Variants in ATG7 observed in about 807,000 individuals in gnomAD.
The protein encoded by ATG7 is autophagy related 7, also known as ubiquitin-like modifier-activating enzyme ATG7.
ATG7 carries 70 observed loss-of-function variants against 82.4 expected under a neutral mutation model. The ratio of observed to expected loss-of-function variants is 0.85; its 90% CI spans 0.70 to 1.04. The LOEUF (loss-of-function observed/expected upper bound fraction) is 1.04, where lower values mean the gene tolerates loss of function less well. Among genes scored for constraint, ATG7 ranks in the 50% least tolerant of loss-of-function variants. ATG7 has a pLI of 0.00. For missense variants in ATG7, 792 were observed against 864.3 expected, an observed-to-expected ratio of 0.92 and a Z score of 1.05; for synonymous variants, 287 against 313.0, an observed-to-expected ratio of 0.92 and a Z score of 0.88.
At chr3:11,483,003 G>A (rs140324924) in intron 20 of ATG7, among the ~76,000 whole-genome samples, 146 of 151,878 alleles carry the variant, frequency 9.6e-4, no homozygotes, top group African/African-American at 3.4e-3. Context: ...TATCACCCTA[G>A]TTACTTGGGA....
At chr3:11,550,606 C>G (rs2071685033) in intron 20 of ATG7, among the ~76,000 whole-genome samples, 1 of 152,070 alleles carries the variant, frequency 6.6e-6, no homozygotes. Flanking sequence ...TTATGTTGCC[C>G]AGGCTGGTCT....
the ATG7 span, chr3:11,564,961 T>C: frequency 3.8e-6 from 6 of 1,558,652 alleles, no homozygotes; most frequent in Non-Finnish European, 5.2e-6. Flanking sequence ...GCGCGCTCGA[T>C]GGGGCTGCGG....
intron 19 of ATG7, among the ~76,000 whole-genome samples, chr3:11,385,535 T>C (rs535779419): frequency 2.0e-3 from 298 of 152,318 alleles, no homozygotes; most frequent in African/African-American, 6.8e-3. Context: ...GCCACTGTCT[T>C]CAAGGAACAC....
rs112296028 is a variant in ATG7, at chr3:11,473,857, A to G, written c.2079+46931A>G. 4.0e-3 allele frequency among the ~76,000 whole-genome samples: 615 copies of G among 152,342 alleles called. 6 individuals carry two copies. Among genetic ancestry groups the G allele is most frequent in the African/African-American group, 0.014 (574 of 41,572 alleles). Reference sequence around the variant, plus strand: ...ACTATTTGGTTACTGTGCTGTGCTCAGACTTCTGTTGAACCCCAAAACATC... The same window carrying G: ...ACTATTTGGTTACTGTGCTGTGCTCGGACTTCTGTTGAACCCCAAAACATC... On this transcript the variant is annotated intron_variant, in intron 20 of 20. Transcript: ENST00000693202.
chr3:11,348,453 C>T (rs996743595), intron 14 of ATG7: 1 of 174,294 alleles, frequency 5.7e-6, no homozygotes, highest in Non-Finnish European at 1.2e-5. Context: ...AAGAATGAAG[C>T]TGCAGACCTT....
rs1946440110 is a variant in ATG7, at chr3:11,299,416, T to A, written c.215T>A (p.Met72Lys). 1 of 1,608,242 alleles carries A rather than the reference T, an allele frequency of 6.2e-7. No homozygotes were observed. Among genetic ancestry groups the A allele is most frequent in the Non-Finnish European group, 8.5e-7 (1 of 1,174,748 alleles). ...ACATTGGAGTTCAGTGCTTTTGACA[T>A]GTGAGTATTTATTTGTTCAAAATCT... ...RLTLEFSAFD[M>K]SAPTPARCCP... is the part of the protein sequence containing the mutation. The change falls in exon 5 of 21, where the codon ATG becomes AAG. Residue 72 changes from methionine (M) to lysine (K), a missense_variant and splice_region_variant. Coordinates refer to ENST00000693202, the MANE Select transcript of ATG7 (RefSeq NM_001349232.2).
At chr3:11,453,155 A>G (rs537224084) in intron 20 of ATG7, among the ~76,000 whole-genome samples, 2 of 152,320 alleles carry the variant, frequency 1.3e-5, no homozygotes, top group South Asian at 2.1e-4. Context: ...GTCCAGTTCA[A>G]TGTTGAGGGG....
chr3:11,379,865 GC>G, intron 18 of ATG7, 106 bp from the exon 19 acceptor site: 1 of 1,066,598 alleles, frequency 9.4e-7, no homozygotes, highest in South Asian at 1.3e-5. Context: ...CTCTTTCCGG[GC>G]CGCCATATTA....
intron 19 of ATG7, among the ~76,000 whole-genome samples, chr3:11,408,014 A>G (rs1231549155): frequency 7.9e-5 from 12 of 152,334 alleles, no homozygotes. Flanking sequence ...TCCTCAGAAA[A>G]TGGGATTTTC....
intron 20 of ATG7, among the ~76,000 whole-genome samples, chr3:11,453,711 C>T (rs982178523): frequency 4.6e-5 from 7 of 152,062 alleles, no homozygotes; most frequent in Admixed American, 4.6e-4. Flanking sequence ...TGTGAATTGG[C>T]AATTGTGTGT....
chr3:11,310,855 A>G (rs1948548017), intron 7 of ATG7, among the ~76,000 whole-genome samples: 1 of 152,020 alleles, frequency 6.6e-6, no homozygotes. Flanking sequence ...GATGGTCTTG[A>G]TCTCCTGACC....
At chr3:11,305,945 A>G (rs377479056) in intron 5 of ATG7, among the ~76,000 whole-genome samples, 1 of 152,246 alleles carries the variant, frequency 6.6e-6, no homozygotes, top group Non-Finnish European at 1.5e-5. Context: ...TTCTGTCTGC[A>G]TTAGCTGCGA....
intron 12 of ATG7, among the ~76,000 whole-genome samples, chr3:11,340,995 G>A (rs929772128): frequency 2.6e-5 from 4 of 152,164 alleles, no homozygotes; most frequent in Admixed American, 6.5e-5. Context: ...GACCACCAGC[G>A]TACCTGTACT....
intron 20 of ATG7, among the ~76,000 whole-genome samples, chr3:11,544,213 T>C (rs2071079634): frequency 6.6e-6 from 1 of 152,196 alleles, no homozygotes; most frequent in Non-Finnish European, 1.5e-5. Context: ...CATGCTGCGA[T>C]GGGGCTCCGG....
chr3:11,375,225 A>C (rs1226710764), intron 18 of ATG7, among the ~76,000 whole-genome samples: 1 of 152,160 alleles, frequency 6.6e-6, no homozygotes, highest in Non-Finnish European at 1.5e-5. Flanking sequence ...ACAAATGAAC[A>C]AAAAAACCAG....
intron 19 of ATG7, among the ~76,000 whole-genome samples, chr3:11,405,214 A>G (rs1199938160): frequency 2.0e-5 from 3 of 152,188 alleles, no homozygotes; most frequent in Non-Finnish European, 4.4e-5. Context: ...TCTTCCTGAC[A>G]CCATACAGGT....
chr3:11,526,115 G>C (rs1179762439), intron 20 of ATG7, among the ~76,000 whole-genome samples: 1 of 152,128 alleles, frequency 6.6e-6, no homozygotes, highest in Non-Finnish European at 1.5e-5. Flanking sequence ...CAAGGGCCAG[G>C]CACCATGGTT....
intron 20 of ATG7, among the ~76,000 whole-genome samples, chr3:11,540,307 C>T (rs1467416051): frequency 6.6e-6 from 1 of 152,130 alleles, no homozygotes; most frequent in East Asian, 1.9e-4. Context: ...AACATCTTTC[C>T]CGCATCTCTG....
chr3:11,389,437 CT>C (rs34261811), intron 19 of ATG7, among the ~76,000 whole-genome samples: 12,782 of 118,818 alleles, frequency 0.11, 1,100 homozygotes, highest in African/African-American at 0.26. Context: ...TTTGTTAGTG[CT>C]TTTTTTTTTT....
Sources: gnomAD v4.1 joint callset for allele counts (sites outside exome capture counted in the v4.1 genomes callset) on GRCh38, gnomAD v4.1.1 for gene constraint, MANE v1.5 for transcripts, NCBI Gene and HGNC (gene_info 2026-07-23, HGNC 2026-07-21) for gene names.